The following CEP72 variants were observed in gnomAD, a reference collection of about 807,000 sequenced individuals.
CEP72 encodes centrosomal protein of 72 kDa.
In CEP72, 78 loss-of-function variants were observed where a neutral mutation model predicts 65.7. That is an observed-to-expected ratio of 1.19 (90% CI 0.99 to 1.43). The LOEUF is 1.43. CEP72 is among the 40% of genes most tolerant of loss of function. The probability of loss-of-function intolerance (pLI) is 0.00; values close to 1 mark genes in which losing one functional copy is unlikely to be tolerated. For missense variants in CEP72, 914 were observed against 832.9 expected (o/e 1.10, Z -1.20); for synonymous variants, 358 against 351.7 (o/e 1.02, Z -0.20).
chr5:654,486 A>G (rs1308994349), downstream of CEP72, among the ~76,000 whole-genome samples: 1 of 151,808 alleles, frequency 6.6e-6, no homozygotes, highest in Non-Finnish European at 1.5e-5. Flanking sequence ...TGTGGATTGT[A>G]TCCCTGGGGA....
intron 6 of CEP72, 151 bp from the exon 7 acceptor site, chr5:637,366 G>A (rs1737679411): frequency 1.5e-5 from 10 of 665,814 alleles, no homozygotes; most frequent in Middle Eastern, 6.5e-4. Context: ...ATGTATGCAC[G>A]TGGATAGGTG....
chr5:619,161 C>T lies in CEP72; in HGVS notation c.210+44C>T. The stretch of plus-strand genomic sequence containing the variant: ...TCTTAAAATTTATTGCTATCAACAT[C>T]AGTGGAAAGTCCATTCACAGCAGAA... On this transcript the variant is annotated intron_variant, in intron 2 of 11. Coordinates refer to ENST00000264935, the MANE Select transcript of CEP72 (RefSeq NM_018140.4). The T allele has an allele frequency of 1.9e-6, 3 of 1,578,146 alleles. No homozygotes were observed. In the South Asian group the frequency reaches 3.3e-5, roughly 18 times the overall value.
intron 1 of CEP72, among the ~76,000 whole-genome samples, chr5:614,722 T>C (rs1167843153): frequency 6.6e-6 from 1 of 152,200 alleles, no homozygotes; most frequent in Non-Finnish European, 1.5e-5. Context: ...TTTCCTGTTA[T>C]TTTTCTGTGT....
chr5:667,212 C>T (rs962488742), downstream of CEP72: 24 of 152,338 alleles, frequency 1.6e-4, no homozygotes, highest in African/African-American at 4.1e-4. Flanking sequence ...AAAGTGGCAG[C>T]GACGTGGGCA....
chr5:633,086 A>G (rs1177227075), intron 4 of CEP72, among the ~76,000 whole-genome samples: 20 of 35,058 alleles, frequency 5.7e-4, no homozygotes, highest in Admixed American at 1.0e-3. Flanking sequence ...CCGGGATTTG[A>G]CCCAGTCCTG....
Position 637,607 on chromosome 5 carries a change from G to T in CEP72, c.995G>T (p.Cys332Phe), listed in dbSNP as rs1737697819. 1 of 1,614,100 alleles carries T rather than the reference G, an allele frequency of 6.2e-7. No homozygotes were observed. Among genetic ancestry groups the T allele is most frequent in the Non-Finnish European group, 8.5e-7 (1 of 1,180,046 alleles). Reference protein sequence around the residue: ...VPGPLPAPGKCRKRRMPVGRF... With the variant: ...VPGPLPAPGKFRKRRMPVGRF... ...GGTCCCCTGCCAGCCCCCGGAAAGT[G>T]CAGGAAGCGAAGAATGCCTGTTGGA... is the stretch of plus-strand genomic sequence containing the variant. Residue 332 changes from cysteine to phenylalanine, a missense_variant, in exon 7 of 12, where the codon TGC becomes TTC. Cys to Phe is a radical substitution (Grantham distance 205). Coordinates refer to ENST00000264935, the MANE Select transcript of CEP72 (RefSeq NM_018140.4).
At chr5:616,220 T>C (rs934114310) in intron 1 of CEP72, among the ~76,000 whole-genome samples, 3 of 152,230 alleles carry the variant, frequency 2.0e-5, no homozygotes, top group African/African-American at 7.2e-5. Flanking sequence ...CTCTTAGTTT[T>C]TCTCTACGGT....
intron 11 of CEP72, 138 bp from the exon 12 acceptor site, chr5:652,850 G>T: frequency 1.1e-6 from 1 of 928,810 alleles, no homozygotes. Context: ...GAAGGTGATG[G>T]GGCCACAGAG....
rs1160754921 is a variant in CEP72, at chr5:645,920, G to A, written c.1666+1495G>A. ...GGCGGCCTGTGTGGACGGTGAATTC[G>A]GCTTCGTTACACTGTGTGAGCGTCA... is the stretch of plus-strand genomic sequence containing the variant. On this transcript the variant is annotated intron_variant, in intron 10 of 11. Coordinates refer to ENST00000264935, the MANE Select transcript of CEP72 (RefSeq NM_018140.4). This position sits in a 1 kb window ranked among gnomAD's most constrained non-coding sequence, Gnocchi z 4.0. 6.6e-6 allele frequency among the ~76,000 whole-genome samples: 1 copy of A among 151,870 alleles called. No individual in the cohort carries two copies. The highest frequency in any genetic ancestry group is 1.5e-5 in the Non-Finnish European group (1 of 67,948).
Position 644,309 on chromosome 5 carries a change from GACA to G in CEP72, c.1554_1556del (p.Gln518del), listed in dbSNP as rs1738269831. On this transcript the variant is annotated inframe_deletion, in exon 10 of 12. Coordinates refer to ENST00000264935, the MANE Select transcript of CEP72 (RefSeq NM_018140.4). ...TTTCTGTGTCCGCAGGATGATTTGA[GACA>G]ACATTTAGATAAATCTTTGGAAGAG... 1 of 1,613,414 alleles carries G rather than the reference GACA, an allele frequency of 6.2e-7. No individual in the cohort carries two copies. Among genetic ancestry groups the G allele is most frequent in the South Asian group, 1.1e-5 (1 of 90,898 alleles).
intron 1 of CEP72, 58 bp downstream of exon 1, chr5:612,501 G>A: frequency 4.5e-6 from 6 of 1,347,966 alleles, no homozygotes; most frequent in Non-Finnish European, 5.7e-6. Context: ...TGGGTGCCGA[G>A]CTTCCCGGGG....
chr5:643,411 A>T, intron 9 of CEP72: 2 of 985,456 alleles, frequency 2.0e-6, no homozygotes, highest in Non-Finnish European at 2.4e-6. Flanking sequence ...GGGCCAAGAT[A>T]AGCCTGAGGG....
At chr5:670,187 G>A (rs1740162725), downstream of CEP72, among the ~76,000 whole-genome samples, 1 of 152,096 alleles carries the variant, frequency 6.6e-6, no homozygotes, top group Non-Finnish European at 1.5e-5. Context: ...ACTGAGGCCT[G>A]TTCCTCCGGG....
At chr5:666,568 C>A (rs1314355591) in intron 4 of CEP72, among the ~76,000 whole-genome samples, 1 of 152,192 alleles carries the variant, frequency 6.6e-6, no homozygotes. Context: ...GGGGCTGCCG[C>A]CCCCGGACAC....
rs565990886 is a variant in CEP72 at position 645,975 on chromosome 5, T to C, written c.1666+1550T>C. Among the ~76,000 whole-genome samples, 1 of 150,884 alleles carries C rather than the reference T, an allele frequency of 6.6e-6. No individual in the cohort carries two copies. The highest frequency in any genetic ancestry group is 1.5e-5 in the Non-Finnish European group (1 of 67,766). On this transcript the variant is annotated intron_variant, in intron 10 of 11. Coordinates refer to ENST00000264935, the MANE Select transcript of CEP72 (RefSeq NM_018140.4). This position sits in a 1 kb window ranked among gnomAD's most constrained non-coding sequence, Gnocchi z 4.0. ...TGCTCCCGTTGGCGCCCTGTGTGGA[T>C]GGTGAATTCGGCTTCCTTACACTGT...
rs1008966076 is a variant in CEP72, at chr5:612,382, G to A, written c.21G>A (p.Arg7=). The change falls in exon 1 of 12, where the codon CGG becomes CGA. Residue 7 remains arginine, a synonymous_variant. Transcript: ENST00000264935. MARAGP[R]LVLSEEAVRA... ...GAAACATGGCGCGGGCTGGCCCTCG[G>A]CTGGTGCTGAGCGAGGAGGCGGTTC... is the stretch of plus-strand genomic sequence containing the variant. 2 of 1,491,704 alleles carry A rather than the reference G, an allele frequency of 1.3e-6. No homozygotes were observed. The highest frequency in any genetic ancestry group is 1.5e-5 in the African/African-American group (1 of 68,480). 92.4% of individuals were successfully genotyped at this position (1,491,704 alleles called of 1,614,324 possible).
chr5:672,752 G>A, the CEP72 span, among the ~76,000 whole-genome samples: 9 of 152,376 alleles, frequency 5.9e-5, no homozygotes, highest in African/African-American at 2.2e-4. Flanking sequence ...GGTCCCGCCT[G>A]TGCACGCTAT....
chr5:648,330 GGACTGTGAGGTGTGACTGTGAGGTGT>G (rs1229864585), intron 11 of CEP72, among the ~76,000 whole-genome samples: 1 of 131,614 alleles, frequency 7.6e-6, no homozygotes, highest in Non-Finnish European at 1.6e-5. Flanking sequence ...TGTGAGGCAT[GGACTGTGAGGTGTGACTGTGAGGTGT>G]GACTGTGAGG....
rs1274246339 is a variant in CEP72 at position 624,021 on chromosome 5, G to A, written c.404-450G>A. Among the ~76,000 whole-genome samples, 1 of 152,062 alleles carries A rather than the reference G, an allele frequency of 6.6e-6. No homozygotes were observed. Among genetic ancestry groups the A allele is most frequent in the African/African-American group, 2.4e-5 (1 of 41,400 alleles). On this transcript the variant is annotated intron_variant, in intron 3 of 11. Coordinates refer to ENST00000264935, the MANE Select transcript of CEP72 (RefSeq NM_018140.4). The surrounding 1 kb of genome is among the most constrained non-coding windows in gnomAD (Gnocchi z 4.7). ...CATGAGGAAGCTCCAGGAGTTCTTG[G>A]GTGGGAGCCTGGTGGCCCCAGGTAC... is the stretch of plus-strand genomic sequence containing the variant.
Sources: gnomAD v4.1 joint callset for allele counts (sites outside exome capture counted in the v4.1 genomes callset) on GRCh38, gnomAD v4.1.1 for gene constraint, Gnocchi (gnomAD v3.1) non-coding constraint, MANE v1.5 for transcripts, NCBI Gene and HGNC (gene_info 2026-07-23, HGNC 2026-07-21) for gene names.